ZNF180: variants seen among roughly 807,000 people sequenced by gnomAD.
The protein encoded by ZNF180 is zinc finger protein 180.
In ZNF180, 11 loss-of-function variants were observed where a neutral mutation model predicts 11.8. That is an observed-to-expected ratio of 0.93 (90% CI 0.59 to 1.55). ZNF180 has a LOEUF of 1.55. Among genes scored for constraint, ZNF180 ranks in the 40% most tolerant of loss-of-function variants. The pLI, the probability that ZNF180 is intolerant of heterozygous loss-of-function variation, is 0.00. For missense variants in ZNF180, 773 were observed against 781.7 expected (o/e 0.99, Z 0.13); for synonymous variants, 287 against 257.7 (o/e 1.11, Z -1.09).
chr19:44,496,868 G>C (rs1241737491), intron 2 of ZNF180, among the ~76,000 whole-genome samples: 1 of 151,926 alleles, frequency 6.6e-6, no homozygotes, highest in Non-Finnish European at 1.5e-5. Flanking sequence ...ACTTAACATA[G>C]GTAATAAATA....
Position 44,493,901 on chromosome 19 carries a change from C to G in ZNF180, c.51+3383G>C, listed in dbSNP as rs928815419. On this transcript the variant is annotated intron_variant, in intron 2 of 4. Coordinates refer to ENST00000592529, the MANE Select transcript of ZNF180 (RefSeq NM_001278509.3). ...AACAATATCCTCCCACCTAGTCAAG[C>G]CTTCAGAAGTCAGCAGCCCAGACAA... 6.6e-5 allele frequency among the ~76,000 whole-genome samples: 10 copies of G among 152,174 alleles called. 1 individual carries two copies. Among genetic ancestry groups the G allele is most frequent in the Non-Finnish European group, 8.8e-5 (6 of 68,026 alleles).
Position 44,476,204 on chromosome 19 carries a change from T to C in ZNF180, c.*198A>G, listed in dbSNP as rs886410587. On this transcript the variant is annotated 3_prime_UTR_variant, in exon 5 of 5. Transcript: ENST00000592529. Reference sequence around the variant, plus strand: ...ATCAAGTTTAACATTGTATATGGAATTGCCAGGTTGAAAAGTCGTTCATAG... The same window carrying C: ...ATCAAGTTTAACATTGTATATGGAACTGCCAGGTTGAAAAGTCGTTCATAG... 16 of 500,050 alleles carry C rather than the reference T, an allele frequency of 3.2e-5. No homozygotes were observed. Among genetic ancestry groups the C allele is most frequent in the African/African-American group, 5.9e-5 (3 of 50,868 alleles). 31.0% of individuals were successfully genotyped at this position (500,050 alleles called of 1,614,324 possible). A position where few individuals can be genotyped will look rare whatever the true frequency, so the allele number is the denominator to read the frequency against.
rs1028911608 is a variant in ZNF180 at position 44,475,833 on chromosome 19, C to A, written c.*569G>T. The A allele has an allele frequency of 1.3e-5, 2 of 152,198 alleles. No homozygotes were observed. The highest frequency in any genetic ancestry group is 4.8e-5 in the African/African-American group (2 of 41,430). The allele number at this position is 152,198 out of a possible 1,614,324, so 9.4% of individuals were successfully genotyped here. On this transcript the variant is annotated 3_prime_UTR_variant, in exon 5 of 5. Transcript: ENST00000592529. ...ATATTATTTCTATATTCTTTTCCCA[C>A]ACTTTTCACTATATATCATAGACAC...
chr19:44,489,209 T>A (rs1970352417), intron 2 of ZNF180, among the ~76,000 whole-genome samples: 1 of 55,466 alleles, frequency 1.8e-5, no homozygotes, highest in Non-Finnish European at 4.6e-5. Context: ...GGGGCGCCTC[T>A]GCCCGGCCAC....
In ZNF180 at chr19:44,477,718, G is replaced by C. The variant is rs1468418367; in HGVS notation, c.682C>G (p.Pro228Ala). The C allele has an allele frequency of 1.2e-6, 2 of 1,613,830 alleles. No homozygotes were observed. The highest frequency in any genetic ancestry group is 2.7e-5 in the African/African-American group (2 of 74,862). ...AACTGAATAAGGTGAATGCTCTGAGGGGGTTTTCCACATTCATTATTTTCA... is the reference window on the plus strand; with the variant it reads ...AACTGAATAAGGTGAATGCTCTGAGCGGGTTTTCCACATTCATTATTTTCA... Reference protein sequence around the residue: ...LYENNECGKPPQSIHLIQFTR... With the variant: ...LYENNECGKPAQSIHLIQFTR... Residue 228 changes from proline to alanine, a missense_variant, in exon 5 of 5, where the codon CCT becomes GCT. Physicochemically the swap from Pro to Ala is conservative, Grantham distance 27. Coordinates refer to ENST00000592529, the MANE Select transcript of ZNF180 (RefSeq NM_001278509.3).
rs543584810 is a variant in ZNF180, at chr19:44,495,256, A to G, written c.51+2028T>C. On this transcript the variant is annotated intron_variant, in intron 2 of 4. Coordinates refer to ENST00000592529, the MANE Select transcript of ZNF180 (RefSeq NM_001278509.3). This position sits in a 1 kb window ranked among gnomAD's most constrained non-coding sequence, Gnocchi z 4.5. Reference sequence around the variant, plus strand: ...CCTCTCCCTATGGATGCTTTCCCAGACTCCCTGGGCTCTGCCACCCCACAC... The same window carrying G: ...CCTCTCCCTATGGATGCTTTCCCAGGCTCCCTGGGCTCTGCCACCCCACAC... 1.8e-4 allele frequency among the ~76,000 whole-genome samples: 28 copies of G among 151,532 alleles called. No homozygotes were observed. The South Asian group carries it at 5.8e-3, about 32-fold the overall frequency.
rs953117052 is a variant in ZNF180, at chr19:44,500,453, G to A, written c.-222C>T. ...AGTCAGCATCCGCAAGGCCGCTGGGGGTTAAGTCTGAAGGGCCGAGCTGCT... is the reference window on the plus strand; with the variant it reads ...AGTCAGCATCCGCAAGGCCGCTGGGAGTTAAGTCTGAAGGGCCGAGCTGCT... On this transcript the variant is annotated 5_prime_UTR_variant, in exon 1 of 5. Coordinates refer to ENST00000592529, the MANE Select transcript of ZNF180 (RefSeq NM_001278509.3). The A allele has an allele frequency of 1.2e-5, 7 of 596,190 alleles. No individual in the cohort carries two copies. The highest frequency in any genetic ancestry group is 1.9e-5 in the African/African-American group (1 of 53,956). The allele number at this position is 596,190 out of a possible 1,614,324, so 36.9% of individuals were successfully genotyped here. A position where few individuals can be genotyped will look rare whatever the true frequency, so the allele number is the denominator to read the frequency against.
chr19:44,497,880 G>C (rs1970632684), intron 1 of ZNF180, among the ~76,000 whole-genome samples: 1 of 152,128 alleles, frequency 6.6e-6, no homozygotes, highest in African/African-American at 2.4e-5. Context: ...CTGCTCCCAG[G>C]AACTGATTCA....
Position 44,500,340 on chromosome 19 carries a change from G to T in ZNF180, c.-109C>A. On this transcript the variant is annotated 5_prime_UTR_variant, in exon 1 of 5. Coordinates refer to ENST00000592529, the MANE Select transcript of ZNF180 (RefSeq NM_001278509.3). ...CCGCCTCAGTGCCTAGCACGGCTCT[G>T]CGGCAGGACGAACTCGGGTTAGGCA... The T allele has an allele frequency of 6.7e-7, 1 of 1,499,178 alleles. No homozygotes were observed. 92.9% of individuals were successfully genotyped at this position (1,499,178 alleles called of 1,614,324 possible). A position where few individuals can be genotyped will look rare whatever the true frequency, so the allele number is the denominator to read the frequency against.
chr19:44,492,146 A>G (rs1970464368), intron 2 of ZNF180, among the ~76,000 whole-genome samples: 2 of 152,200 alleles, frequency 1.3e-5, no homozygotes, highest in Non-Finnish European at 2.9e-5. Context: ...CTATACCAGT[A>G]AAATTATTCT....
In ZNF180 at chr19:44,484,362, T is replaced by C; in HGVS notation, c.125A>G (p.Gln42Arg). The change falls in exon 3 of 5, where the codon CAG becomes CGG. Residue 42 changes from glutamine to arginine, a missense_variant and splice_region_variant. Coordinates refer to ENST00000592529, the MANE Select transcript of ZNF180 (RefSeq NM_001278509.3). ...EDTGSLTIPSQEGVNFKIVTV... is the reference protein window; with the variant it reads ...EDTGSLTIPSREGVNFKIVTV... ...AGACAGAGGCCTTGCCCAACCTACCTGAGATGGGATGGTCAGAGACCCAGT... is the reference window on the plus strand; with the variant it reads ...AGACAGAGGCCTTGCCCAACCTACCCGAGATGGGATGGTCAGAGACCCAGT... 1 of 1,611,562 alleles carries C rather than the reference T, an allele frequency of 6.2e-7. No individual in the cohort carries two copies. The highest frequency in any genetic ancestry group is 8.5e-7 in the Non-Finnish European group (1 of 1,177,688).
chr19:44,476,775 C>A lies in ZNF180; in HGVS notation c.1625G>T (p.Arg542Ile), dbSNP rs775083814. ...NRSSHLVMHQRIHTGEKPYEC... is the reference protein window; with the variant it reads ...NRSSHLVMHQIIHTGEKPYEC... ...ATACGGTTTTTCCCCAGTGTGAATT[C>A]TCTGATGCATAACAAGGTGAGAACT... Residue 542 changes from arginine to isoleucine, a missense_variant, in exon 5 of 5, where the codon AGA (arginine) becomes ATA (isoleucine). By Grantham distance (97) the Arg-to-Ile change is moderately conservative. Coordinates refer to ENST00000592529, the MANE Select transcript of ZNF180 (RefSeq NM_001278509.3). The A allele has an allele frequency of 4.3e-6, 7 of 1,613,998 alleles. No homozygotes were observed. The highest frequency in any genetic ancestry group is 1.3e-5 in the African/African-American group (1 of 74,914).
intron 2 of ZNF180, among the ~76,000 whole-genome samples, chr19:44,485,542 G>A (rs967855280): frequency 6.6e-6 from 1 of 152,068 alleles, no homozygotes; most frequent in Non-Finnish European, 1.5e-5. Flanking sequence ...TCCTGACCAC[G>A]TCGGGTGTTT....
In ZNF180 at chr19:44,482,004, T is replaced by C. The variant is rs554066146; in HGVS notation, c.126+2357A>G. On this transcript the variant is annotated intron_variant, in intron 3 of 4. Transcript: ENST00000592529. ...AATCTTCAACTGCCCTTGAAACTCA[T>C]CTTTTGTAACAATAAAATAGGATGG... Among the ~76,000 whole-genome samples the C allele has an allele frequency of 3.3e-5, 5 of 152,316 alleles. No homozygotes were observed. In the South Asian group the frequency reaches 1.0e-3, roughly 32 times the overall value.
rs752298773 is a variant in ZNF180 at position 44,477,752 on chromosome 19, C to T, written c.648G>A (p.Glu216=). The change falls in exon 5 of 5, where the codon GAG becomes GAA. Residue 216 remains glutamate (E), a synonymous_variant. Coordinates refer to ENST00000592529, the MANE Select transcript of ZNF180 (RefSeq NM_001278509.3). ...CACATTCATTATTTTCATATAGTGT[C>T]TCATTCTCATTAATCTTCTGATGAC... ...VNSHQKINEN[E]TLYENNECGK... The T allele has an allele frequency of 1.2e-6, 2 of 1,613,944 alleles. No individual in the cohort carries two copies. The highest frequency in any genetic ancestry group is 1.7e-6 in the Non-Finnish European group (2 of 1,179,954).
At chr19:44,478,258 G>T in intron 4 of ZNF180, 112 bp from the exon 5 acceptor site, 2 of 1,188,120 alleles carry the variant, frequency 1.7e-6, no homozygotes, top group Non-Finnish European at 2.3e-6. Flanking sequence ...TTCAAATACT[G>T]ACCGATAACC....
intron 4 of ZNF180, 65 bp from the exon 5 acceptor site, chr19:44,478,211 C>G: frequency 7.0e-7 from 1 of 1,435,188 alleles, no homozygotes; most frequent in Non-Finnish European, 9.2e-7. Context: ...TGGAATAAAG[C>G]TAACAAGAAA....
At chr19:44,490,315 C>T (rs1303531811) in intron 2 of ZNF180, among the ~76,000 whole-genome samples, 1 of 152,206 alleles carries the variant, frequency 6.6e-6, no homozygotes, top group African/African-American at 2.4e-5. Context: ...CCACAACTGG[C>T]CTAAACTGCC....
chr19:44,497,145 T>C (rs1970609144), intron 2 of ZNF180, 139 bp downstream of exon 2: 3 of 519,410 alleles, frequency 5.8e-6, no homozygotes, highest in Admixed American at 4.4e-5. Context: ...ATAAAATATA[T>C]AGTAAGTGTT....
Sources: allele counts gnomAD v4.1 joint callset (sites outside exome capture counted in the v4.1 genomes callset), GRCh38; gene constraint gnomAD v4.1.1; non-coding constraint Gnocchi (gnomAD v3.1); transcripts MANE v1.5; gene names NCBI Gene and HGNC (gene_info 2026-07-23, HGNC 2026-07-21).